The following MYLK4 variants were observed in gnomAD, a reference collection of about 807,000 sequenced individuals.
The protein encoded by MYLK4 is myosin light chain kinase family member 4.
MYLK4 carries 46 observed loss-of-function variants against 48.1 expected under a neutral mutation model. The ratio of observed to expected loss-of-function variants is 0.96; its 90% CI spans 0.75 to 1.22. The LOEUF is 1.22. Among genes scored for constraint, MYLK4 ranks in the 50% most tolerant of loss-of-function variants. The pLI, the probability that MYLK4 is intolerant of heterozygous loss-of-function variation, is 0.00. For missense variants in MYLK4, 451 were observed against 486.1 expected (o/e 0.93, Z 0.68); for synonymous variants, 170 against 180.8 (o/e 0.94, Z 0.48).
At chr6:2,736,307 C>G (rs765152008) in intron 2 of MYLK4, among the ~76,000 whole-genome samples, 1 of 152,192 alleles carries the variant, frequency 6.6e-6, no homozygotes, top group South Asian at 2.1e-4. Context: ...CAGGCTGCAG[C>G]GCAATGGCGC....
intron 2 of MYLK4, among the ~76,000 whole-genome samples, chr6:2,725,674 A>AT (rs2113304699): frequency 1.3e-5 from 2 of 151,510 alleles, no homozygotes; most frequent in South Asian, 4.2e-4. Flanking sequence ...AGAAAGAAAA[A>AT]TTTTAAAAAG....
Position 2,685,404 on chromosome 6 carries a change from T to C in MYLK4, c.437A>G (p.Glu146Gly). ...GACGCTGATCTCGTTCTTCACCTCC[T>C]CCTGAGAAGCAGGAAACAGTGCATT... ...IIKTRGMKDKEEVKNEISVMN... is the reference protein window; with the variant it reads ...IIKTRGMKDKGEVKNEISVMN... Residue 146 changes from glutamate (E) to glycine (G), a missense_variant and splice_region_variant, in exon 6 of 13, where the codon GAG becomes GGG. Coordinates refer to ENST00000274643, the MANE Select transcript of MYLK4 (RefSeq NM_001012418.5). This position sits in a 1 kb window ranked among gnomAD's most constrained non-coding sequence, Gnocchi z 4.5. 4 of 1,489,578 alleles carry C rather than the reference T, an allele frequency of 2.7e-6. No homozygotes were observed. The highest frequency in any genetic ancestry group is 3.6e-6 in the Non-Finnish European group (4 of 1,103,010). The allele number at this position is 1,489,578 out of a possible 1,614,324, so 92.3% of individuals were successfully genotyped here. A position where few individuals can be genotyped will look rare whatever the true frequency, so the allele number is the denominator to read the frequency against.
chr6:2,719,310 G>A (rs1762982831), intron 2 of MYLK4, among the ~76,000 whole-genome samples: 1 of 152,150 alleles, frequency 6.6e-6, no homozygotes, highest in African/African-American at 2.4e-5. Context: ...CAGACCAATG[G>A]TATTAAAAAG....
chr6:2,705,416 G>A lies in MYLK4; in HGVS notation c.160-12557C>T, dbSNP rs1253644547. On this transcript the variant is annotated intron_variant, in intron 2 of 12. Coordinates refer to ENST00000274643, the MANE Select transcript of MYLK4 (RefSeq NM_001012418.5). ...GCTTGGAGGTAGTAATGAGTGAAGC[G>A]GGATGGGGGTATACAGAGTCTGAGT... 5.3e-5 allele frequency among the ~76,000 whole-genome samples: 8 copies of A among 152,276 alleles called. No homozygotes were observed. In the East Asian group the frequency reaches 7.7e-4, roughly 15 times the overall value.
In MYLK4 at chr6:2,667,876, G is replaced by A. The variant is rs796383087; in HGVS notation, c.*49C>T. 6.5e-6 allele frequency: 1 copy of A among 152,744 alleles called. No individual in the cohort carries two copies. The highest frequency in any genetic ancestry group is 2.4e-5 in the African/African-American group (1 of 41,562). The allele number at this position is 152,744 out of a possible 1,614,324, so 9.5% of individuals were successfully genotyped here. A position where few individuals can be genotyped will look rare whatever the true frequency, so the allele number is the denominator to read the frequency against. On this transcript the variant is annotated 3_prime_UTR_variant, in exon 13 of 13. Coordinates refer to ENST00000274643, the MANE Select transcript of MYLK4 (RefSeq NM_001012418.5). Reference sequence around the variant, plus strand: ...TGATTTTTCAAAAAATTTTCTCGAAGCAGCAGCAACCACAGCAGTTTTCCT... The same window carrying A: ...TGATTTTTCAAAAAATTTTCTCGAAACAGCAGCAACCACAGCAGTTTTCCT...
At chr6:2,719,165 A>G (rs6596905) in intron 2 of MYLK4, among the ~76,000 whole-genome samples, 129,734 of 152,192 alleles carry the variant, frequency 0.85, 55,392 homozygotes, top group Admixed American at 0.89. Context: ...AGGGCAGGAC[A>G]TGCAGCTAAA....
the MYLK4 span, among the ~76,000 whole-genome samples, chr6:2,762,415 AAAG>A: frequency 6.6e-6 from 1 of 152,238 alleles, no homozygotes; most frequent in African/African-American, 2.4e-5. Context: ...TTTTCTGAAA[AAAG>A]AAATTTTAGG....
Position 2,718,646 on chromosome 6 carries a change from C to T in MYLK4, c.160-25787G>A, listed in dbSNP as rs556419986. On this transcript the variant is annotated intron_variant, in intron 2 of 12. Coordinates refer to ENST00000274643, the MANE Select transcript of MYLK4 (RefSeq NM_001012418.5). Reference sequence around the variant, plus strand: ...CTCTGGACTTCTTTATTGTGAGGGCCGATATCTTTATGTATAATATTTAAT... The same window carrying T: ...CTCTGGACTTCTTTATTGTGAGGGCTGATATCTTTATGTATAATATTTAAT... Among the ~76,000 whole-genome samples, 11 of 152,170 alleles carry T rather than the reference C, an allele frequency of 7.2e-5. No homozygotes were observed. In the South Asian group the frequency reaches 1.0e-3, roughly 14 times the overall value.
At chr6:2,687,466 C>A (rs1436465973) in intron 4 of MYLK4, among the ~76,000 whole-genome samples, 1 of 152,168 alleles carries the variant, frequency 6.6e-6, no homozygotes, top group African/African-American at 2.4e-5. Flanking sequence ...AATTGACAAA[C>A]CTTGACCAGA....
chr6:2,759,833 C>T, the MYLK4 span, among the ~76,000 whole-genome samples: 2 of 152,104 alleles, frequency 1.3e-5, no homozygotes, highest in Admixed American at 1.3e-4. Flanking sequence ...TTTTAAAAAT[C>T]AATGATTGAA....
At chr6:2,727,487 C>G (rs1030479969) in intron 2 of MYLK4, among the ~76,000 whole-genome samples, 1 of 152,206 alleles carries the variant, frequency 6.6e-6, no homozygotes, top group East Asian at 1.9e-4. Context: ...GGGAACCCCC[C>G]CAAAGACAGC....
intron 2 of MYLK4, among the ~76,000 whole-genome samples, chr6:2,719,234 G>A (rs189192223): frequency 2.0e-5 from 3 of 152,326 alleles, no homozygotes; most frequent in East Asian, 1.9e-4. Flanking sequence ...ACTCCCGTCA[G>A]CTTCACTCAT....
At chr6:2,750,939 CCT>C (rs1455387998), upstream of MYLK4, 8 of 152,596 alleles carry the variant, frequency 5.2e-5, no homozygotes, top group African/African-American at 1.7e-4. Flanking sequence ...ACTTTCAGCC[CCT>C]GTTTAAATTA....
At chr6:2,693,438 T>C (rs1451660383) in intron 2 of MYLK4, among the ~76,000 whole-genome samples, 1 of 152,206 alleles carries the variant, frequency 6.6e-6, no homozygotes, top group Non-Finnish European at 1.5e-5. Flanking sequence ...GCTTTATAAA[T>C]GGAACCTTTA....
At chr6:2,766,990 T>G in the MYLK4 span, among the ~76,000 whole-genome samples, 8 of 152,368 alleles carry the variant, frequency 5.3e-5, no homozygotes, top group South Asian at 1.0e-3. Flanking sequence ...GAGAATATAT[T>G]GATTTTACTA....
At chr6:2,763,494 G>A in the MYLK4 span, among the ~76,000 whole-genome samples, 1 of 152,224 alleles carries the variant, frequency 6.6e-6, no homozygotes, top group Non-Finnish European at 1.5e-5. Flanking sequence ...CTACGGCCTG[G>A]CGAGAAGTGC....
intron 2 of MYLK4, among the ~76,000 whole-genome samples, chr6:2,746,703 G>A (rs371223194): frequency 1.3e-5 from 2 of 152,322 alleles, no homozygotes; most frequent in East Asian, 3.9e-4. Flanking sequence ...AGAGAGAAGG[G>A]ATGAGAGAGA....
At chr6:2,765,262 G>A in the MYLK4 span, among the ~76,000 whole-genome samples, 1 of 148,336 alleles carries the variant, frequency 6.7e-6, no homozygotes, top group Non-Finnish European at 1.5e-5. Context: ...TGGGGCGAAT[G>A]GCCGCGGACT....
the MYLK4 span, chr6:2,766,003 G>A: frequency 2.9e-6 from 4 of 1,359,942 alleles, no homozygotes; most frequent in Non-Finnish European, 3.8e-6. Context: ...CCGACTTCCC[G>A]GTGGCCCGCT....
Sources: gnomAD v4.1 joint callset for allele counts (sites outside exome capture counted in the v4.1 genomes callset) on GRCh38, gnomAD v4.1.1 for gene constraint, Gnocchi (gnomAD v3.1) non-coding constraint, MANE v1.5 for transcripts, NCBI Gene and HGNC (gene_info 2026-07-23, HGNC 2026-07-21) for gene names.